SPECC1: variants seen among roughly 807,000 people sequenced by gnomAD.
SPECC1 encodes cytospin-B.
Under a neutral mutation model 104.1 loss-of-function variants are expected in SPECC1, and 62 were observed. The ratio of observed to expected loss-of-function variants is 0.60; its 90% confidence interval spans 0.49 to 0.74. SPECC1 has a LOEUF of 0.74. Among genes scored for constraint, SPECC1 ranks in the 30% least tolerant of loss-of-function variants. The pLI is 0.00. For synonymous variants in SPECC1, 513 were observed against 501.6 expected, an observed-to-expected ratio of 1.02 and a Z score of -0.30; for missense variants, 1,306 against 1,310.5, an observed-to-expected ratio of 1.00 and a Z score of 0.05.
intron 3 of SPECC1, among the ~76,000 whole-genome samples, chr17:20,125,179 C>T (rs1172546593): frequency 7.3e-6 from 1 of 136,070 alleles, no homozygotes; most frequent in Non-Finnish European, 1.6e-5. Context: ...GACTCCATCT[C>T]AAAAAACAAA....
At chr17:20,130,658 T>A (rs2049568125) in intron 3 of SPECC1, among the ~76,000 whole-genome samples, 1 of 152,244 alleles carries the variant, frequency 6.6e-6, no homozygotes, top group South Asian at 2.1e-4. Flanking sequence ...CTTTGTAATG[T>A]CTTGAAATCA....
chr17:20,151,056 TA>T (rs2031961968), intron 3 of SPECC1, among the ~76,000 whole-genome samples: 1 of 152,176 alleles, frequency 6.6e-6, no homozygotes. Flanking sequence ...ATAGGTGAAG[TA>T]AAAAATATGT....
intron 3 of SPECC1, among the ~76,000 whole-genome samples, chr17:20,113,833 A>AG: frequency 6.6e-6 from 1 of 152,362 alleles, no homozygotes. Flanking sequence ...AATCAGCACA[A>AG]GCATAGGAAG....
intron 3 of SPECC1, among the ~76,000 whole-genome samples, chr17:20,177,361 A>C (rs1312944987): frequency 1.3e-5 from 2 of 152,190 alleles, no homozygotes; most frequent in African/African-American, 2.4e-5. Context: ...TTCAATTATA[A>C]ATTTTTGTCT....
intron 5 of SPECC1, among the ~76,000 whole-genome samples, chr17:20,228,067 T>A (rs1395847191): frequency 2.0e-5 from 3 of 152,180 alleles, no homozygotes; most frequent in Non-Finnish European, 4.4e-5. Flanking sequence ...AAACAATCAT[T>A]AATCTCCAGT....
At chr17:20,020,698 C>A (rs1451049081) in intron 1 of SPECC1, among the ~76,000 whole-genome samples, 1 of 152,148 alleles carries the variant, frequency 6.6e-6, no homozygotes, top group Admixed American at 6.5e-5. Flanking sequence ...ATTCTTAGCC[C>A]TTTATCATCA....
intron 3 of SPECC1, among the ~76,000 whole-genome samples, chr17:20,181,965 C>A (rs1374797030): frequency 6.6e-6 from 1 of 152,086 alleles, no homozygotes; most frequent in East Asian, 1.9e-4. Flanking sequence ...GAGACTAATT[C>A]TCCCCAGAAT....
chr17:20,117,253 A>G (rs1414633052), intron 3 of SPECC1, among the ~76,000 whole-genome samples: 3 of 152,186 alleles, frequency 2.0e-5, no homozygotes, highest in African/African-American at 4.8e-5. Flanking sequence ...TAGGAGGATT[A>G]AAGATTTAAA....
At chr17:20,249,546 G>T (rs2039546477) in intron 9 of SPECC1, among the ~76,000 whole-genome samples, 1 of 152,092 alleles carries the variant, frequency 6.6e-6, no homozygotes, top group Admixed American at 6.6e-5. Context: ...ATTAGACATA[G>T]ACCCTAAAAC....
chr17:20,020,589 C>T (rs1259549889), intron 1 of SPECC1, among the ~76,000 whole-genome samples: 1 of 152,222 alleles, frequency 6.6e-6, no homozygotes. Flanking sequence ...GCCTCAGCCT[C>T]CCAAAGTGCT....
intron 1 of SPECC1, among the ~76,000 whole-genome samples, chr17:20,080,357 G>T (rs979283788): frequency 1.2e-4 from 19 of 152,134 alleles, no homozygotes; most frequent in African/African-American, 4.6e-4. Context: ...AAGAGGGAGA[G>T]ACTGCAGAGC....
intron 12 of SPECC1, among the ~76,000 whole-genome samples, chr17:20,272,425 A>G (rs1217196624): frequency 6.6e-6 from 1 of 152,104 alleles, no homozygotes; most frequent in Non-Finnish European, 1.5e-5. Flanking sequence ...AACTATTTTT[A>G]AATGTACAGT....
chr17:20,112,043 G>A (rs2048520769), intron 3 of SPECC1: 1 of 768,626 alleles, frequency 1.3e-6, no homozygotes, highest in East Asian at 2.4e-5. Context: ...TATTGATCCT[G>A]ACAGATTCTA....
chr17:20,259,080 A>C (rs2039936393), intron 11 of SPECC1, among the ~76,000 whole-genome samples: 1 of 152,244 alleles, frequency 6.6e-6, no homozygotes, highest in South Asian at 2.1e-4. Flanking sequence ...CTTTTTAATA[A>C]ATCTTATAAT....
Position 20,222,456 on chromosome 17 carries a change from C to T in SPECC1, c.1864-4957C>T, listed in dbSNP as rs539808088. Among the ~76,000 whole-genome samples the T allele has an allele frequency of 5.0e-4, 76 of 152,228 alleles. 1 individual carries two copies. Among genetic ancestry groups the T allele is most frequent in the Admixed American group, 9.2e-4 (14 of 15,296 alleles). ...ATTAGATGAAATGTTCTGTAAAGGT[C>T]TGTTAGTTCCATTTGTTTTGTTTTA... is the stretch of plus-strand genomic sequence containing the variant. On this transcript the variant is annotated intron_variant, in intron 4 of 14. Coordinates refer to ENST00000395527, the MANE Select transcript of SPECC1 (RefSeq NM_001243439.2).
In SPECC1 at chr17:20,318,779, A is replaced by G. The variant is rs575766392; in HGVS notation, c.*4714A>G. 2.8e-4 allele frequency: 61 copies of G among 215,802 alleles called. No individual in the cohort carries two copies. The highest frequency in any genetic ancestry group is 2.9e-3 in the Middle Eastern group (2 of 690). The allele number at this position is 215,802 out of a possible 1,614,324, so 13.4% of individuals were successfully genotyped here. Reference sequence around the variant, plus strand: ...ACGGGGCATTTCACTCCTCTGATCCAGGTTAGAATTTTGCTAAATCTGTAG... The same window carrying G: ...ACGGGGCATTTCACTCCTCTGATCCGGGTTAGAATTTTGCTAAATCTGTAG... On this transcript the variant is annotated 3_prime_UTR_variant, in exon 15 of 15. Transcript: ENST00000395527.
At chr17:20,172,813 C>T (rs1260462077) in intron 3 of SPECC1, among the ~76,000 whole-genome samples, 6 of 152,068 alleles carry the variant, frequency 3.9e-5, no homozygotes, top group African/African-American at 7.2e-5. Flanking sequence ...ACGGTGTGTG[C>T]GATTAACTTG....
At chr17:20,124,666 A>G (rs898888850) in intron 3 of SPECC1, among the ~76,000 whole-genome samples, 1 of 152,206 alleles carries the variant, frequency 6.6e-6, no homozygotes. Context: ...AACTCATCAT[A>G]AGCTGCAAAT....
At chr17:20,157,981 A>G (rs564166518) in intron 3 of SPECC1, among the ~76,000 whole-genome samples, 10 of 152,266 alleles carry the variant, frequency 6.6e-5, no homozygotes, top group African/African-American at 2.2e-4. Flanking sequence ...CGTGGTAAAA[A>G]CTTTAAATGC....
Sources: gnomAD v4.1 joint callset for allele counts (sites outside exome capture counted in the v4.1 genomes callset) on GRCh38, gnomAD v4.1.1 for gene constraint, MANE v1.5 for transcripts, NCBI Gene and HGNC (gene_info 2026-07-23, HGNC 2026-07-21) for gene names.